Variants in MAP3K13 observed in about 807,000 individuals in gnomAD.
MAP3K13 encodes the protein leucine zipper-bearing kinase.
MAP3K13 carries 52 observed loss-of-function variants against 104.0 expected under a neutral mutation model. The ratio of observed to expected loss-of-function variants is 0.50; its 90% confidence interval spans 0.40 to 0.63. The LOEUF is 0.63. Ranked by LOEUF, MAP3K13 falls within the 20% of genes least tolerant of loss-of-function variation. MAP3K13 has a pLI of 0.00. For missense variants in MAP3K13, 914 were observed against 1,218.5 expected (o/e 0.75, Z 3.72); for synonymous variants, 394 against 442.2 (o/e 0.89, Z 1.37).
intron 1 of MAP3K13, among the ~76,000 whole-genome samples, chr3:185,404,416 G>C (rs1340557088): frequency 6.6e-6 from 1 of 152,150 alleles, no homozygotes; most frequent in Non-Finnish European, 1.5e-5. Flanking sequence ...AATTCTGGGG[G>C]CAAATTGATG....
chr3:185,376,098 A>G (rs1341279857), intron 1 of MAP3K13, among the ~76,000 whole-genome samples: 1 of 152,130 alleles, frequency 6.6e-6, no homozygotes, highest in African/African-American at 2.4e-5. Context: ...CAGGGTGATA[A>G]ACAGGAATGA....
At chr3:185,298,970 A>C (rs1364701330) in intron 2 of MAP3K13, among the ~76,000 whole-genome samples, 1 of 152,216 alleles carries the variant, frequency 6.6e-6, no homozygotes, top group East Asian at 1.9e-4. Context: ...ACACGTTCCA[A>C]ACGTGTAATC....
intron 6 of MAP3K13, among the ~76,000 whole-genome samples, chr3:185,451,004 G>A (rs1341995864): frequency 2.0e-5 from 3 of 152,094 alleles, no homozygotes; most frequent in Non-Finnish European, 4.4e-5. Flanking sequence ...GCAGGAGAAT[G>A]GCGTGAACCC....
chr3:185,451,172 T>G, intron 6 of MAP3K13, 115 bp from the exon 7 acceptor site: 3 of 656,398 alleles, frequency 4.6e-6, no homozygotes, highest in African/African-American at 1.8e-5. Context: ...GTACAGCTGG[T>G]TTTACTCAGA....
chr3:185,339,971 T>C (rs563218798), intron 2 of MAP3K13, among the ~76,000 whole-genome samples: 4 of 150,668 alleles, frequency 2.7e-5, no homozygotes, highest in African/African-American at 9.7e-5. Flanking sequence ...ATTATTGTTT[T>C]GTGACCTTTA....
intron 2 of MAP3K13, among the ~76,000 whole-genome samples, chr3:185,338,327 C>CAAAAAAAAAAAAAAAA (rs72043151): frequency 1.8e-5 from 1 of 54,712 alleles, no homozygotes; most frequent in Admixed American, 2.0e-4. Flanking sequence ...GAGACTCTCT[C>CAAAAAAAAAAAAAAAA]AAAAAAAAAA....
At chr3:185,459,665 G>T (rs144010472) in intron 7 of MAP3K13, among the ~76,000 whole-genome samples, 354 of 151,978 alleles carry the variant, frequency 2.3e-3, no homozygotes, top group African/African-American at 8.3e-3. Context: ...GGCCAAGCTG[G>T]TCTCGAACTC....
In MAP3K13 at chr3:185,455,380, TGATATATATATCATATATGA is replaced by T. The variant is rs1716479274; in HGVS notation, c.1278+3997_1278+4016del. 5.6e-5 allele frequency among the ~76,000 whole-genome samples: 5 copies of T among 89,076 alleles called. 1 individual carries two copies. The highest frequency in any genetic ancestry group is 1.7e-4 in the African/African-American group (4 of 24,096). 58.4% of individuals were successfully genotyped at this position (89,076 alleles called of 152,430 possible). A position where few individuals can be genotyped will look rare whatever the true frequency, so the allele number is the denominator to read the frequency against. On this transcript the variant is annotated intron_variant, in intron 7 of 13. Coordinates refer to ENST00000265026, the MANE Select transcript of MAP3K13 (RefSeq NM_004721.5). ...ATATATGAGATATATATGATATATA[TGATATATATATCATATATGA>T]GATATATATATGAGATATATATGAT... is the stretch of plus-strand genomic sequence containing the variant.
At chr3:185,353,828 C>G (rs1397603748) in intron 2 of MAP3K13, among the ~76,000 whole-genome samples, 1 of 152,146 alleles carries the variant, frequency 6.6e-6, no homozygotes, top group East Asian at 1.9e-4. Flanking sequence ...CTCTCATATC[C>G]AGTTTCCCCA....
chr3:185,425,359 A>C (rs1219650765), intron 1 of MAP3K13, among the ~76,000 whole-genome samples: 1 of 152,118 alleles, frequency 6.6e-6, no homozygotes, highest in East Asian at 1.9e-4. Flanking sequence ...TCATTATTCC[A>C]AATAAGTGAT....
chr3:185,350,826 T>G (rs1448998318), intron 2 of MAP3K13, among the ~76,000 whole-genome samples: 1 of 152,180 alleles, frequency 6.6e-6, no homozygotes, highest in African/African-American at 2.4e-5. Flanking sequence ...TCAAAGAACT[T>G]AAAACAGAAC....
chr3:185,453,093 G>C (rs1715983443), intron 7 of MAP3K13, among the ~76,000 whole-genome samples: 1 of 152,110 alleles, frequency 6.6e-6, no homozygotes, highest in Admixed American at 6.6e-5. Context: ...GTGGATAAGG[G>C]GGTGGTGAGA....
intron 9 of MAP3K13, 98 bp downstream of exon 9, chr3:185,465,961 A>G: frequency 1.1e-6 from 1 of 895,422 alleles, no homozygotes; most frequent in Non-Finnish European, 1.8e-6. Flanking sequence ...GAACTGGCAG[A>G]TATTTTATTC....
chr3:185,365,377 A>T (rs1723821346), intron 1 of MAP3K13, among the ~76,000 whole-genome samples: 1 of 152,228 alleles, frequency 6.6e-6, no homozygotes, highest in Non-Finnish European at 1.5e-5. Flanking sequence ...AAACAAAGTC[A>T]GTCAAACCAG....
At chr3:185,435,112 T>A (rs958141088) in intron 2 of MAP3K13, among the ~76,000 whole-genome samples, 1 of 151,814 alleles carries the variant, frequency 6.6e-6, no homozygotes, top group African/African-American at 2.4e-5. Context: ...CAAGCAATTC[T>A]CCTGCCTCAG....
chr3:185,293,350 T>C (rs1720813549), intron 2 of MAP3K13, among the ~76,000 whole-genome samples: 1 of 152,010 alleles, frequency 6.6e-6, no homozygotes, highest in Non-Finnish European at 1.5e-5. Context: ...ATTCCTGACC[T>C]CAGGTGATCT....
chr3:185,352,865 A>T (rs1437624040), intron 2 of MAP3K13, among the ~76,000 whole-genome samples: 4 of 152,242 alleles, frequency 2.6e-5, no homozygotes, highest in Admixed American at 2.6e-4. Flanking sequence ...AACAGACTGG[A>T]TTGGAACCTA....
chr3:185,448,705 ATGTAAGAG>A (rs1406812418), intron 5 of MAP3K13, among the ~76,000 whole-genome samples: 4 of 152,226 alleles, frequency 2.6e-5, no homozygotes, highest in African/African-American at 7.2e-5. Context: ...CACCAGAAAT[ATGTAAGAG>A]TGTTTTCTCA....
intron 2 of MAP3K13, among the ~76,000 whole-genome samples, chr3:185,296,634 TG>T (rs1359990524): frequency 6.6e-6 from 1 of 152,178 alleles, no homozygotes; most frequent in African/African-American, 2.4e-5. Context: ...TACTTATCTC[TG>T]ATTGGCATTC....
Sources: gnomAD v4.1 joint callset for allele counts (sites outside exome capture counted in the v4.1 genomes callset) on GRCh38, gnomAD v4.1.1 for gene constraint, MANE v1.5 for transcripts, NCBI Gene and HGNC (gene_info 2026-07-23, HGNC 2026-07-21) for gene names.